CSGALNACT1: variants seen among roughly 807,000 people sequenced by gnomAD.
CSGALNACT1 encodes beta4GalNAcT-1.
CSGALNACT1 carries 52 observed loss-of-function variants against 51.0 expected under a neutral mutation model. The observed-to-expected ratio is 1.02, with a 90% CI of 0.82 to 1.29. CSGALNACT1 has a LOEUF of 1.29. CSGALNACT1 is among the 50% of genes most tolerant of loss of function. The pLI, the probability that CSGALNACT1 is intolerant of heterozygous loss-of-function variation, is 0.00. For missense variants in CSGALNACT1, 935 were observed against 679.2 expected (o/e 1.38, Z -4.19); for synonymous variants, 341 against 254.4 (o/e 1.34, Z -3.24).
At chr8:19,535,914 G>A (rs1038510943) in intron 3 of CSGALNACT1, among the ~76,000 whole-genome samples, 6 of 151,968 alleles carry the variant, frequency 3.9e-5, no homozygotes, top group Non-Finnish European at 7.4e-5. Flanking sequence ...TTTCAGACTG[G>A]GAACAAAGCA....
intron 4 of CSGALNACT1, among the ~76,000 whole-genome samples, chr8:19,498,498 C>T (rs560513502): frequency 6.6e-6 from 1 of 152,292 alleles, no homozygotes; most frequent in South Asian, 2.1e-4. Context: ...GCCCATCTCC[C>T]CTCCTAAGCC....
intron 3 of CSGALNACT1, among the ~76,000 whole-genome samples, chr8:19,549,367 G>C (rs532014538): frequency 6.6e-6 from 1 of 151,910 alleles, no homozygotes; most frequent in Admixed American, 6.6e-5. Context: ...GTTTTTTCTT[G>C]CTATTAATAA....
chr8:19,409,335 T>G (rs2055110327), intron 8 of CSGALNACT1, among the ~76,000 whole-genome samples: 1 of 152,182 alleles, frequency 6.6e-6, no homozygotes. Flanking sequence ...TCACGCTATT[T>G]TAAAACCAAA....
At chr8:19,594,015 G>A (rs923851234) in intron 2 of CSGALNACT1, among the ~76,000 whole-genome samples, 1 of 152,168 alleles carries the variant, frequency 6.6e-6, no homozygotes, top group Non-Finnish European at 1.5e-5. Flanking sequence ...CATGAATTGA[G>A]GGTGCTGGTG....
At chr8:19,734,956 T>C (rs1179504696) in intron 1 of CSGALNACT1, among the ~76,000 whole-genome samples, 54 of 152,050 alleles carry the variant, frequency 3.6e-4, no homozygotes, top group Admixed American at 3.5e-3. Context: ...CAGGAAAGCA[T>C]GGATCCAAAC....
At chr8:19,663,365 T>G (rs1438029301) in intron 1 of CSGALNACT1, among the ~76,000 whole-genome samples, 1 of 152,184 alleles carries the variant, frequency 6.6e-6, no homozygotes, top group African/African-American at 2.4e-5. Flanking sequence ...TAAGTCCTCT[T>G]CTCGCCAAAA....
intron 1 of CSGALNACT1, among the ~76,000 whole-genome samples, chr8:19,674,579 A>G (rs1430402198): frequency 2.0e-5 from 3 of 152,172 alleles, no homozygotes; most frequent in Non-Finnish European, 4.4e-5. Flanking sequence ...AGATGACCCT[A>G]CCACCGCAGA....
intron 4 of CSGALNACT1, among the ~76,000 whole-genome samples, chr8:19,459,382 CAAAAAAAAAAA>C (rs377411028): frequency 0.23 from 15,975 of 69,482 alleles, 1,226 homozygotes; most frequent in Middle Eastern, 0.34. Context: ...AACTTTATCT[CAAAAAAAAAAA>C]AAAAAAAAAA....
At chr8:19,743,734 C>T (rs1236499898) in intron 1 of CSGALNACT1, among the ~76,000 whole-genome samples, 1 of 152,172 alleles carries the variant, frequency 6.6e-6, no homozygotes, top group Admixed American at 6.5e-5. Flanking sequence ...TTTAAAGCAA[C>T]TTTAAGATGG....
chr8:19,417,528 G>T (rs982653997), intron 8 of CSGALNACT1, among the ~76,000 whole-genome samples: 1 of 152,194 alleles, frequency 6.6e-6, no homozygotes, highest in Admixed American at 6.5e-5. Flanking sequence ...ATGGGTTTTG[G>T]ATGGAAATCA....
At chr8:19,468,393 G>A (rs2067231757) in intron 4 of CSGALNACT1, among the ~76,000 whole-genome samples, 1 of 152,174 alleles carries the variant, frequency 6.6e-6, no homozygotes. Flanking sequence ...AGCGGGACGA[G>A]GGGTCACATC....
At chr8:19,490,956 C>T (rs987433402) in intron 4 of CSGALNACT1, among the ~76,000 whole-genome samples, 1 of 152,060 alleles carries the variant, frequency 6.6e-6, no homozygotes, top group Non-Finnish European at 1.5e-5. Context: ...GAATCAAATG[C>T]TAATTTATTT....
chr8:19,506,875 T>G (rs1252415171), intron 3 of CSGALNACT1, among the ~76,000 whole-genome samples: 2 of 152,212 alleles, frequency 1.3e-5, no homozygotes, highest in South Asian at 4.1e-4. Flanking sequence ...GTGAGCCAGA[T>G]AAACCTCTTT....
At chr8:19,520,325 C>T (rs1164766282) in intron 3 of CSGALNACT1, among the ~76,000 whole-genome samples, 1 of 152,166 alleles carries the variant, frequency 6.6e-6, no homozygotes, top group African/African-American at 2.4e-5. Context: ...CAAGAGGAAG[C>T]CCAATAACAC....
At chr8:19,655,563 C>CATAT (rs372331308) in intron 1 of CSGALNACT1, among the ~76,000 whole-genome samples, 12 of 126,944 alleles carry the variant, frequency 9.5e-5, no homozygotes, top group African/African-American at 2.0e-4. Flanking sequence ...TATATATACA[C>CATAT]ACACACACAC....
At chr8:19,513,437 T>TCTATATATATATATATAC (rs1491147909) in intron 3 of CSGALNACT1, among the ~76,000 whole-genome samples, 2 of 32,096 alleles carry the variant, frequency 6.2e-5, no homozygotes, top group African/African-American at 2.4e-4. Context: ...TCTCTCTCTC[T>TCTATATATATATATATAC]ATATATATAT....
At chr8:19,617,292 G>T (rs943264247) in intron 1 of CSGALNACT1, among the ~76,000 whole-genome samples, 3 of 152,150 alleles carry the variant, frequency 2.0e-5, no homozygotes, top group South Asian at 2.1e-4. Context: ...CTCGCCTGCC[G>T]TTCACCTTCT....
At chr8:19,407,403 C>G (rs2054452626) in intron 9 of CSGALNACT1, among the ~76,000 whole-genome samples, 1 of 152,158 alleles carries the variant, frequency 6.6e-6, no homozygotes, top group African/African-American at 2.4e-5. Flanking sequence ...CATGCCACAC[C>G]CTGAGGGCAC....
intron 1 of CSGALNACT1, among the ~76,000 whole-genome samples, chr8:19,743,983 G>A (rs942644973): frequency 2.0e-5 from 3 of 152,148 alleles, no homozygotes; most frequent in Admixed American, 6.5e-5. Flanking sequence ...AAAGACAAAT[G>A]ATCCAGAAAG....
Sources: gnomAD v4.1 joint callset for allele counts (sites outside exome capture counted in the v4.1 genomes callset) on GRCh38, gnomAD v4.1.1 for gene constraint, MANE v1.5 for transcripts, NCBI Gene and HGNC (gene_info 2026-07-23, HGNC 2026-07-21) for gene names.